The following IL4R variants were observed in gnomAD, a reference collection of about 807,000 sequenced individuals.
IL4R encodes interleukin 4 receptor.
A neutral mutation model predicts 41.5 loss-of-function variants in IL4R; 17 were observed. The observed-to-expected ratio is 0.41, with a 90% CI of 0.28 to 0.61. The LOEUF is 0.61. Ranked by LOEUF, IL4R falls within the 20% of genes least tolerant of loss-of-function variation. The probability of loss-of-function intolerance (pLI) is 0.31; values close to 1 mark genes in which losing one functional copy is unlikely to be tolerated. For synonymous variants in IL4R, 402 were observed against 422.9 expected (o/e 0.95, Z 0.61); for missense variants, 974 against 1,043.1 (o/e 0.93, Z 0.91).
At chr16:27,350,696 C>T (rs565157179) in intron 6 of IL4R, among the ~76,000 whole-genome samples, 1 of 152,212 alleles carries the variant, frequency 6.6e-6, no homozygotes, top group Admixed American at 6.5e-5. Flanking sequence ...CTTTTTAAAG[C>T]TTTTTTGGAG....
At position 27,362,508 on chromosome 16, in the gene IL4R, G is replaced by A; in HGVS notation, c.1156G>A (p.Ala386Thr). ...EVEEEKGSFCASPESSRDDFQ... is the reference protein window; with the variant it reads ...EVEEEKGSFCTSPESSRDDFQ... ...AGAGGAAGAAAAAGGGAGCTTCTGT[G>A]CATCGCCTGAGAGCAGCAGGGATGA... Residue 386 changes from alanine to threonine, a missense_variant, in exon 11 of 11, where the codon GCA (alanine) becomes ACA (threonine). Physicochemically the swap from Ala to Thr is moderately conservative, Grantham distance 58. Coordinates refer to ENST00000395762, the MANE Select transcript of IL4R (RefSeq NM_000418.4). 6.2e-7 allele frequency: 1 copy of A among 1,614,222 alleles called. No homozygotes were observed. The highest frequency in any genetic ancestry group is 1.1e-5 in the South Asian group (1 of 91,088).
At chr16:27,339,661 G>T (rs1050523184) in intron 2 of IL4R, among the ~76,000 whole-genome samples, 1 of 152,132 alleles carries the variant, frequency 6.6e-6, no homozygotes, top group African/African-American at 2.4e-5. Flanking sequence ...GACAGTTGTT[G>T]TGTAGCTCAC....
intron 2 of IL4R, among the ~76,000 whole-genome samples, chr16:27,338,187 C>A (rs1300820452): frequency 1.3e-5 from 2 of 151,050 alleles, no homozygotes; most frequent in African/African-American, 4.9e-5. Context: ...AAACTCCTGA[C>A]CTCGTGATCC....
chr16:27,330,386 CAA>C (rs71137792), intron 2 of IL4R, among the ~76,000 whole-genome samples, 188 bp downstream of exon 2: 7 of 123,906 alleles, frequency 5.6e-5, no homozygotes, highest in Admixed American at 8.5e-5. Context: ...GACTCCATCT[CAA>C]AAAAAAAAAA....
intron 1 of IL4R, among the ~76,000 whole-genome samples, chr16:27,319,067 C>G (rs2084733287): frequency 6.6e-6 from 1 of 152,132 alleles, no homozygotes; most frequent in African/African-American, 2.4e-5. Context: ...GAACTGAGAC[C>G]TGAAATACCA....
chr16:27,341,604 T>G lies in IL4R; in HGVS notation c.71-517T>G, dbSNP rs566488175. Among the ~76,000 whole-genome samples the G allele has an allele frequency of 2.6e-5, 4 of 152,178 alleles. No individual in the cohort carries two copies. In the East Asian group the frequency reaches 7.7e-4, roughly 29 times the overall value. ...GGACCCCGATGTCTCCTCCAGCCCA[T>G]CCATCTCCTCTCTCCCATTGGCCAA... On this transcript the variant is annotated intron_variant, in intron 3 of 10. Transcript: ENST00000395762.
At chr16:27,355,732 G>A in intron 7 of IL4R, 76 bp from the exon 8 acceptor site, 1 of 1,022,236 alleles carries the variant, frequency 9.8e-7, no homozygotes, top group Non-Finnish European at 1.5e-6. Flanking sequence ...CTGACCCTGG[G>A]TCTCCAGTCC....
chr16:27,359,451 G>A (rs2086205796), intron 9 of IL4R, among the ~76,000 whole-genome samples: 1 of 152,182 alleles, frequency 6.6e-6, no homozygotes, highest in Admixed American at 6.5e-5. Context: ...CCCTAAGCCA[G>A]GGGTGGAGTC....
In IL4R at chr16:27,363,174, A is replaced by G; in HGVS notation, c.1822A>G (p.Ser608Gly). 6.2e-7 allele frequency: 1 copy of G among 1,612,118 alleles called. No individual in the cohort carries two copies. Among genetic ancestry groups the G allele is most frequent in the Non-Finnish European group, 8.5e-7 (1 of 1,178,858 alleles). ...PGEAGYKAFS[S>G]LLASSAVSPE... Reference sequence around the variant, plus strand: ...AGAGGCTGGTTACAAGGCCTTCTCAAGCCTGCTTGCCAGCAGTGCTGTGTC... The same window carrying G: ...AGAGGCTGGTTACAAGGCCTTCTCAGGCCTGCTTGCCAGCAGTGCTGTGTC... Residue 608 changes from serine (S) to glycine (G), a missense_variant, in exon 11 of 11, where the codon AGC becomes GGC. Coordinates refer to ENST00000395762, the MANE Select transcript of IL4R (RefSeq NM_000418.4).
intron 1 of IL4R, among the ~76,000 whole-genome samples, chr16:27,314,557 T>C (rs1037980415): frequency 1.3e-5 from 2 of 152,194 alleles, no homozygotes; most frequent in Admixed American, 6.5e-5. Context: ...AACCTCCCAC[T>C]AACTTCTCTG....
chr16:27,314,156 G>A, intron 1 of IL4R, 136 bp downstream of exon 1: 1 of 955,270 alleles, frequency 1.0e-6, no homozygotes, highest in Non-Finnish European at 1.2e-6. Context: ...GCCCGAGCCC[G>A]CGACTCTCGG....
intron 4 of IL4R, among the ~76,000 whole-genome samples, 185 bp downstream of exon 4, chr16:27,342,444 T>C (rs531273732): frequency 6.6e-5 from 10 of 152,204 alleles, no homozygotes; most frequent in Admixed American, 6.5e-4. Flanking sequence ...GTGGAGCGCA[T>C]GGTGGGAGTG....
chr16:27,354,570 A>T (rs2085992214), intron 7 of IL4R, among the ~76,000 whole-genome samples: 4 of 152,218 alleles, frequency 2.6e-5, no homozygotes, highest in Admixed American at 2.0e-4. Context: ...TGCCTGGAAA[A>T]AGGAACAGGA....
chr16:27,354,681 G>C (rs2085996732), intron 7 of IL4R, among the ~76,000 whole-genome samples: 1 of 152,252 alleles, frequency 6.6e-6, no homozygotes, highest in Non-Finnish European at 1.5e-5. Flanking sequence ...TTCCCCATCT[G>C]TATAATGGGA....
At position 27,355,797 on chromosome 16, in the gene IL4R, C is replaced by T; in HGVS notation, c.671-11C>T. 1.9e-6 allele frequency: 3 copies of T among 1,601,606 alleles called. No homozygotes were observed. The highest frequency in any genetic ancestry group is 2.2e-5 in the East Asian group (1 of 44,818). On this transcript the variant is annotated splice_polypyrimidine_tract_variant and intron_variant, in intron 7 of 10. Transcript: ENST00000395762. ...CTGACCTCAGCTCATGGCTTCCCCT[C>T]CCACTTCCAGCCTACAGGGAGCCCT...
chr16:27,318,013 G>C (rs1261185920), intron 1 of IL4R, among the ~76,000 whole-genome samples: 1 of 152,172 alleles, frequency 6.6e-6, no homozygotes, highest in African/African-American at 2.4e-5. Context: ...TTAGATTCTA[G>C]TTGAGCATAC....
chr16:27,333,652 G>C (rs970579019), intron 2 of IL4R, among the ~76,000 whole-genome samples: 1 of 152,048 alleles, frequency 6.6e-6, no homozygotes, highest in Admixed American at 6.6e-5. Context: ...GTAAGTGCTG[G>C]GCAAGCAGGG....
intron 6 of IL4R, among the ~76,000 whole-genome samples, chr16:27,347,416 C>A (rs1444692816): frequency 6.6e-6 from 1 of 152,194 alleles, no homozygotes; most frequent in African/African-American, 2.4e-5. Flanking sequence ...GTCTCAAACT[C>A]CTGACCTCAG....
chr16:27,334,241 C>T (rs1196761018), intron 2 of IL4R: 1 of 152,142 alleles, frequency 6.6e-6, no homozygotes, highest in Non-Finnish European at 1.5e-5. Context: ...TGTACTTGAA[C>T]GCGATAACCT....
Sources: allele counts gnomAD v4.1 joint callset (sites outside exome capture counted in the v4.1 genomes callset), GRCh38; gene constraint gnomAD v4.1.1; transcripts MANE v1.5; gene names NCBI Gene and HGNC (gene_info 2026-07-23, HGNC 2026-07-21).